The following FAM117A variants were observed in gnomAD, a reference collection of about 807,000 sequenced individuals.
FAM117A encodes the protein protein FAM117A.
Under a neutral mutation model 44.1 loss-of-function variants are expected in FAM117A, and 21 were observed. The ratio of observed to expected loss-of-function variants is 0.48; its 90% confidence interval spans 0.34 to 0.69. The LOEUF (loss-of-function observed/expected upper bound fraction) is 0.69. Among genes scored for constraint, FAM117A ranks in the 30% least tolerant of loss-of-function variants. FAM117A has a pLI of 0.01. For synonymous variants in FAM117A, 220 were observed against 238.3 expected (o/e 0.92, Z 0.71); for missense variants, 498 against 589.9 (o/e 0.84, Z 1.61).
intron 1 of FAM117A, among the ~76,000 whole-genome samples, chr17:49,772,769 A>C (rs1242763788): frequency 6.6e-6 from 1 of 152,096 alleles, no homozygotes; most frequent in Non-Finnish European, 1.5e-5. Flanking sequence ...AATCCAGTTC[A>C]AAGATATGAA....
chr17:49,731,739 T>C (rs1015781295), intron 2 of FAM117A, among the ~76,000 whole-genome samples: 2 of 152,196 alleles, frequency 1.3e-5, no homozygotes, highest in African/African-American at 4.8e-5. Context: ...ACAAACTCAA[T>C]AGAATGTTGG....
chr17:49,743,014 C>A (rs1048890093), intron 1 of FAM117A, among the ~76,000 whole-genome samples: 10 of 152,136 alleles, frequency 6.6e-5, no homozygotes, highest in African/African-American at 2.4e-4. Flanking sequence ...TATGACACAC[C>A]CCCATGTAGA....
intron 2 of FAM117A, among the ~76,000 whole-genome samples, chr17:49,729,497 A>G (rs898222242): frequency 7.3e-6 from 1 of 137,234 alleles, no homozygotes; most frequent in African/African-American, 2.7e-5. Context: ...AGGTTCTGGC[A>G]TCAGTCTTTT....
At chr17:49,753,558 G>A (rs561222071) in intron 1 of FAM117A, among the ~76,000 whole-genome samples, 2 of 152,216 alleles carry the variant, frequency 1.3e-5, no homozygotes, top group Non-Finnish European at 2.9e-5. Flanking sequence ...GCTCACGCCT[G>A]TAATCCCAGC....
At chr17:49,780,917 G>A (rs1428440260) in intron 1 of FAM117A, among the ~76,000 whole-genome samples, 1 of 152,132 alleles carries the variant, frequency 6.6e-6, no homozygotes, top group African/African-American at 2.4e-5. Context: ...TGCAACCTCC[G>A]CCTCCCGGGT....
intron 1 of FAM117A, among the ~76,000 whole-genome samples, chr17:49,758,725 G>A (rs1480467125): frequency 6.6e-6 from 1 of 151,792 alleles, no homozygotes; most frequent in Non-Finnish European, 1.5e-5. Flanking sequence ...GTAAGCCCAG[G>A]CAGGTCTAGT....
chr17:49,717,011 T>C (rs2073507475), intron 6 of FAM117A, among the ~76,000 whole-genome samples: 1 of 152,214 alleles, frequency 6.6e-6, no homozygotes, highest in South Asian at 2.1e-4. Flanking sequence ...GAGGTAGGAA[T>C]TTCATCTCAT....
At chr17:49,714,746 A>C (rs954958260) in intron 7 of FAM117A, among the ~76,000 whole-genome samples, 1 of 151,362 alleles carries the variant, frequency 6.6e-6, no homozygotes, top group African/African-American at 2.4e-5. Context: ...TCCCAGGTTC[A>C]AGCGATTCTC....
intron 1 of FAM117A, 143 bp downstream of exon 1, chr17:49,763,749 C>G (rs2073732821): frequency 2.2e-6 from 1 of 450,000 alleles, no homozygotes; most frequent in Non-Finnish European, 3.6e-6. Context: ...TCCCTCCGCC[C>G]TCATAGACTC....
upstream of FAM117A, among the ~76,000 whole-genome samples, chr17:49,768,069 T>C (rs1047209694): frequency 2.6e-5 from 4 of 152,134 alleles, no homozygotes; most frequent in Admixed American, 6.6e-5. Context: ...TAAATGAGAA[T>C]TGGCATTATT....
At chr17:49,758,697 ACTGT>A (rs2073710500) in intron 1 of FAM117A, among the ~76,000 whole-genome samples, 2 of 151,900 alleles carry the variant, frequency 1.3e-5, no homozygotes, top group African/African-American at 4.8e-5. Context: ...AGGGCTCCAA[ACTGT>A]CTGTGGAGTA....
At chr17:49,728,959 C>G (rs2073572757) in intron 2 of FAM117A, among the ~76,000 whole-genome samples, 1 of 152,210 alleles carries the variant, frequency 6.6e-6, no homozygotes, top group African/African-American at 2.4e-5. Flanking sequence ...TTTGGGTAAC[C>G]CAGTTCTCCA....
At chr17:49,751,600 T>C (rs376330501) in intron 1 of FAM117A, among the ~76,000 whole-genome samples, 1 of 148,456 alleles carries the variant, frequency 6.7e-6, no homozygotes, top group Non-Finnish European at 1.5e-5. Context: ...AATAAATAAA[T>C]AAACAAACAA....
Position 49,717,604 on chromosome 17 carries a change from C to T in FAM117A, c.819G>A (p.Met273Ile), listed in dbSNP as rs763016516. The T allele has an allele frequency of 8.7e-6, 14 of 1,614,134 alleles. No individual in the cohort carries two copies. Among genetic ancestry groups the T allele is most frequent in the Non-Finnish European group, 1.2e-5 (14 of 1,180,006 alleles). The change falls in exon 6 of 8, where the codon ATG (methionine) becomes ATA (isoleucine). Residue 273 changes from methionine (M) to isoleucine (I), a missense_variant. Physicochemically the swap from Met to Ile is conservative, Grantham distance 10 (BLOSUM62 1). Around this residue, in one of 3 missense-constraint regions of FAM117A, gnomAD observed 224 missense variants for 296.5 expected, o/e 0.76. Coordinates refer to ENST00000240364, the MANE Select transcript of FAM117A (RefSeq NM_030802.4). ...CACAAGGCTGGGGAGATGCCAAGGA[C>T]ATGGAAGGAGAGCTGGCAAGGTTGC... The part of the protein sequence containing the change: ...EPGNLASSPS[M>I]SLASPQPCGL...
intron 1 of FAM117A, among the ~76,000 whole-genome samples, chr17:49,786,758 A>G (rs1403191970): frequency 6.8e-6 from 1 of 147,498 alleles, no homozygotes; most frequent in Non-Finnish European, 1.5e-5. Context: ...GCCTGGCAAC[A>G]AGAGCAAAAC....
chr17:49,779,319 A>C (rs1052260673), intron 1 of FAM117A, among the ~76,000 whole-genome samples: 1 of 152,232 alleles, frequency 6.6e-6, no homozygotes, highest in South Asian at 2.1e-4. Flanking sequence ...GTTGTCTGGA[A>C]GGAGAACAGT....
chr17:49,749,179 T>C (rs1177505931), intron 1 of FAM117A, among the ~76,000 whole-genome samples: 5 of 152,168 alleles, frequency 3.3e-5, no homozygotes, highest in Non-Finnish European at 1.5e-5. Context: ...GGCATCACTT[T>C]GTAAACCAAA....
intron 1 of FAM117A, among the ~76,000 whole-genome samples, chr17:49,738,139 A>G (rs914592524): frequency 2.6e-5 from 4 of 152,156 alleles, no homozygotes; most frequent in African/African-American, 9.7e-5. Flanking sequence ...CCCATTTTAT[A>G]TTGGTTTCCA....
intron 2 of FAM117A, among the ~76,000 whole-genome samples, chr17:49,725,641 C>T (rs1199032359): frequency 6.6e-6 from 1 of 152,186 alleles, no homozygotes; most frequent in Non-Finnish European, 1.5e-5. Flanking sequence ...CCTGTGGCGG[C>T]AATGAGCCTG....
Sources: gnomAD v4.1 joint callset for allele counts (sites outside exome capture counted in the v4.1 genomes callset) on GRCh38, gnomAD v4.1.1 for gene constraint, gnomAD v4.1.1 regional missense constraint, MANE v1.5 for transcripts, NCBI Gene and HGNC (gene_info 2026-07-23, HGNC 2026-07-21) for gene names.